The following PMFBP1 variants were observed in gnomAD, a reference collection of about 807,000 sequenced individuals.
The protein encoded by PMFBP1 is polyamine-modulated factor 1-binding protein 1.
In PMFBP1, 131 loss-of-function variants were observed where a neutral mutation model predicts 137.8. That is an observed-to-expected ratio of 0.95 (90% CI 0.82 to 1.10). The LOEUF is 1.10. Ranked by LOEUF, PMFBP1 falls within the 50% of genes least tolerant of loss-of-function variation. PMFBP1 has a pLI of 0.00. For missense variants in PMFBP1, 1,199 were observed against 1,175.4 expected (o/e 1.02, Z -0.29); for synonymous variants, 490 against 450.4 (o/e 1.09, Z -1.11).
chr16:72,229,514 T>A, the PMFBP1 span, among the ~76,000 whole-genome samples: 3 of 152,034 alleles, frequency 2.0e-5, no homozygotes, highest in Non-Finnish European at 2.9e-5. Flanking sequence ...TCACCAATAT[T>A]TTTTTTTCTT....
chr16:72,123,500 C>A (rs183163014), intron 18 of PMFBP1, 46 bp downstream of exon 18: 2 of 1,563,626 alleles, frequency 1.3e-6, no homozygotes, highest in Admixed American at 3.4e-5. Flanking sequence ...CTCCTCGGCT[C>A]AGTCCAGGCC....
chr16:72,182,524 A>G, the PMFBP1 span, among the ~76,000 whole-genome samples: 2 of 147,700 alleles, frequency 1.4e-5, no homozygotes, highest in East Asian at 4.0e-4. Flanking sequence ...AAAGGCCAAG[A>G]GGTTAGGGGA....
intron 3 of PMFBP1, among the ~76,000 whole-genome samples, chr16:72,162,002 G>A (rs1383358532): frequency 6.6e-6 from 1 of 152,218 alleles, no homozygotes; most frequent in Non-Finnish European, 1.5e-5. Flanking sequence ...GGCAATCTGA[G>A]CTCTACTGAA....
At chr16:72,217,719 G>C in the PMFBP1 span, among the ~76,000 whole-genome samples, 2 of 152,102 alleles carry the variant, frequency 1.3e-5, no homozygotes, top group Non-Finnish European at 2.9e-5. Flanking sequence ...CGAGTGTGGT[G>C]GTGGGCACCT....
At chr16:72,160,167 C>T (rs944980722) in intron 3 of PMFBP1, among the ~76,000 whole-genome samples, 5 of 152,196 alleles carry the variant, frequency 3.3e-5, no homozygotes, top group African/African-American at 1.2e-4. Flanking sequence ...ATTAATTGGC[C>T]TGGCATGATT....
the PMFBP1 span, among the ~76,000 whole-genome samples, chr16:72,211,666 T>C: frequency 6.6e-5 from 10 of 152,086 alleles, no homozygotes; most frequent in Non-Finnish European, 1.3e-4. Flanking sequence ...AAGAGAACAA[T>C]TGGAGAATAA....
intron 2 of PMFBP1, among the ~76,000 whole-genome samples, chr16:72,167,507 T>C (rs2043162565): frequency 6.6e-6 from 1 of 151,926 alleles, no homozygotes; most frequent in African/African-American, 2.4e-5. Context: ...ATGTGTAGAG[T>C]GGCCTTAAAA....
chr16:72,136,322 C>CATCT (rs2042630369), intron 9 of PMFBP1, 126 bp downstream of exon 9: 2 of 1,057,884 alleles, frequency 1.9e-6, no homozygotes, highest in African/African-American at 3.2e-5. Flanking sequence ...GAAGAGCCAC[C>CATCT]ATCTCACTGT....
chr16:72,160,211 A>G (rs2043041039), intron 3 of PMFBP1, among the ~76,000 whole-genome samples: 1 of 152,244 alleles, frequency 6.6e-6, no homozygotes, highest in South Asian at 2.1e-4. Flanking sequence ...TTTCCACCCA[A>G]TACTTTATGC....
At chr16:72,178,384 G>C (rs2043265648), upstream of PMFBP1, among the ~76,000 whole-genome samples, 1 of 152,114 alleles carries the variant, frequency 6.6e-6, no homozygotes, top group Admixed American at 6.5e-5. Context: ...TACTTTAAGA[G>C]TATACAAATA....
At chr16:72,122,833 G>A (rs767894031) in intron 19 of PMFBP1, 81 bp downstream of exon 19, 1 of 1,362,022 alleles carries the variant, frequency 7.3e-7, no homozygotes, top group African/African-American at 1.4e-5. Flanking sequence ...CCCCTATCAA[G>A]GGCTAAAGCC....
At chr16:72,230,488 C>T in the PMFBP1 span, among the ~76,000 whole-genome samples, 1 of 152,284 alleles carries the variant, frequency 6.6e-6, no homozygotes, top group East Asian at 1.9e-4. Context: ...GACTCATCTG[C>T]CTAGATGGAC....
At chr16:72,118,895 T>C (rs1185633851), downstream of PMFBP1, among the ~76,000 whole-genome samples, 3 of 151,934 alleles carry the variant, frequency 2.0e-5, no homozygotes, top group Non-Finnish European at 4.4e-5. Context: ...TTTCAGATAG[T>C]AATGGAAAGA....
intron 18 of PMFBP1, among the ~76,000 whole-genome samples, 172 bp from the exon 19 acceptor site, chr16:72,123,160 G>A (rs2042401920): frequency 6.6e-6 from 1 of 152,164 alleles, no homozygotes; most frequent in African/African-American, 2.4e-5. Flanking sequence ...TGGGGATTCA[G>A]AGGACTCTCT....
At chr16:72,216,571 A>G in the PMFBP1 span, among the ~76,000 whole-genome samples, 1 of 152,132 alleles carries the variant, frequency 6.6e-6, no homozygotes. Context: ...GACTATTAGT[A>G]ATGTGTGTTG....
At chr16:72,140,271 A>T (rs2042696344) in intron 6 of PMFBP1, 141 bp downstream of exon 6, 2 of 846,420 alleles carry the variant, frequency 2.4e-6, no homozygotes, top group Non-Finnish European at 3.7e-6. Flanking sequence ...AATATGAACA[A>T]AGTTGGGGGG....
At position 72,154,266 on chromosome 16, in the gene PMFBP1, T is replaced by C. The variant is rs749739216; in HGVS notation, c.359A>G (p.Lys120Arg). 6.8e-6 allele frequency: 11 copies of C among 1,614,146 alleles called. No individual in the cohort carries two copies. In the South Asian group the frequency reaches 1.2e-4, roughly 18 times the overall value. ...SLRQYQSILE[K>R]QTSDLVLLHH... ...CAGAAGAACCAGGTCGGAAGTCTGC[T>C]TCTCTAGGATGGACTGATACTGGCG... The change falls in exon 4 of 21, where the codon AAG (lysine) becomes AGG (arginine). Residue 120 changes from lysine to arginine, a missense_variant. Coordinates refer to ENST00000237353, the MANE Select transcript of PMFBP1 (RefSeq NM_031293.3).
chr16:72,176,712 A>AT (rs1220078801), upstream of PMFBP1: 1 of 152,192 alleles, frequency 6.6e-6, no homozygotes, highest in East Asian at 1.9e-4. Flanking sequence ...TTAAGTAATG[A>AT]TTTTGTTTTT....
the PMFBP1 span, among the ~76,000 whole-genome samples, chr16:72,222,127 GT>G: frequency 6.6e-6 from 1 of 152,182 alleles, no homozygotes; most frequent in African/African-American, 2.4e-5. Flanking sequence ...TCCTGGTGGG[GT>G]TTTTTGGTTT....
Sources: allele counts gnomAD v4.1 joint callset (sites outside exome capture counted in the v4.1 genomes callset), GRCh38; gene constraint gnomAD v4.1.1; transcripts MANE v1.5; gene names NCBI Gene and HGNC (gene_info 2026-07-23, HGNC 2026-07-21).